The following CSMD1 variants were observed in gnomAD, a reference collection of about 807,000 sequenced individuals.
The protein encoded by CSMD1 is CUB and Sushi multiple domains 1.
In CSMD1, 213 loss-of-function variants were observed where a neutral mutation model predicts 417.5. The ratio of observed to expected loss-of-function variants is 0.51; its 90% CI spans 0.46 to 0.57. CSMD1 has a LOEUF of 0.57. Ranked by LOEUF, CSMD1 falls within the 20% of genes least tolerant of loss-of-function variation. The pLI is 0.00. For synonymous variants in CSMD1, 2,862 were observed against 1,736.8 expected (o/e 1.65, Z -16.11); for missense variants, 6,923 against 4,529.7 (o/e 1.53, Z -15.17).
intron 5 of CSMD1, among the ~76,000 whole-genome samples, chr8:3,779,104 G>A (rs907329718): frequency 6.6e-6 from 1 of 151,668 alleles, no homozygotes; most frequent in East Asian, 1.9e-4. Context: ...GACTCCTAAT[G>A]TCTATTTTTC....
chr8:3,124,854 A>T (rs1817408087), intron 41 of CSMD1, among the ~76,000 whole-genome samples: 1 of 152,324 alleles, frequency 6.6e-6, no homozygotes, highest in Non-Finnish European at 1.5e-5. Flanking sequence ...CCCATGGCTC[A>T]TTTCAGAATT....
At chr8:4,753,108 C>T (rs374364002) in intron 1 of CSMD1, among the ~76,000 whole-genome samples, 1 of 152,184 alleles carries the variant, frequency 6.6e-6, no homozygotes, top group South Asian at 2.1e-4. Flanking sequence ...TTTTTGGAAA[C>T]ATTTTATGGA....
intron 12 of CSMD1, among the ~76,000 whole-genome samples, chr8:3,412,549 T>C (rs1369674643): frequency 6.6e-6 from 1 of 152,134 alleles, no homozygotes; most frequent in Non-Finnish European, 1.5e-5. Context: ...ATGAAGATGT[T>C]GAATACATAG....
At chr8:3,269,601 A>G (rs1436961184) in intron 26 of CSMD1, among the ~76,000 whole-genome samples, 1 of 152,212 alleles carries the variant, frequency 6.6e-6, no homozygotes, top group Non-Finnish European at 1.5e-5. Flanking sequence ...AAAACCTGAG[A>G]ATGAAACATG....
chr8:3,668,218 G>A lies in CSMD1; in HGVS notation c.1009+40196C>T, dbSNP rs572046133. On this transcript the variant is annotated intron_variant, in intron 7 of 69. Transcript: ENST00000635120. Reference sequence around the variant, plus strand: ...GCTAATAAGGGAACATAGTAAAACTGACATCCGTCCACCACTGCTGGATCT... The same window carrying A: ...GCTAATAAGGGAACATAGTAAAACTAACATCCGTCCACCACTGCTGGATCT... Among the ~76,000 whole-genome samples, 8 of 152,212 alleles carry A rather than the reference G, an allele frequency of 5.3e-5. No individual in the cohort carries two copies. In the South Asian group the frequency reaches 1.5e-3, roughly 28 times the overall value.
At chr8:3,500,931 G>C (rs575475689) in intron 10 of CSMD1, among the ~76,000 whole-genome samples, 1 of 152,224 alleles carries the variant, frequency 6.6e-6, no homozygotes, top group South Asian at 2.1e-4. Context: ...TTTTAATGGA[G>C]AATATTGCAA....
chr8:4,743,512 T>G (rs1375867465), intron 1 of CSMD1, among the ~76,000 whole-genome samples: 1 of 152,174 alleles, frequency 6.6e-6, no homozygotes, highest in African/African-American at 2.4e-5. Flanking sequence ...AACCTCCTGC[T>G]TTGAGTTCAT....
At chr8:3,966,732 G>GACACAC (rs34929035) in intron 5 of CSMD1, among the ~76,000 whole-genome samples, 30 of 149,132 alleles carry the variant, frequency 2.0e-4, no homozygotes, top group South Asian at 6.6e-4. Context: ...CACACACACA[G>GACACAC]ACACACACAC....
intron 5 of CSMD1, among the ~76,000 whole-genome samples, chr8:3,791,518 G>A (rs1416690294): frequency 6.6e-6 from 1 of 152,084 alleles, no homozygotes; most frequent in South Asian, 2.1e-4. Flanking sequence ...CAAGGGTATG[G>A]ACAATTTTAA....
chr8:4,772,303 T>C (rs1796643242), intron 1 of CSMD1, among the ~76,000 whole-genome samples: 1 of 152,206 alleles, frequency 6.6e-6, no homozygotes, highest in Non-Finnish European at 1.5e-5. Context: ...AAATCTCTCC[T>C]TCACGTCATC....
intron 40 of CSMD1, among the ~76,000 whole-genome samples, chr8:3,148,561 C>T (rs1327279606): frequency 6.6e-6 from 1 of 152,142 alleles, no homozygotes; most frequent in Non-Finnish European, 1.5e-5. Context: ...ACTTCAAGTT[C>T]TGGTAGTGGA....
intron 1 of CSMD1, among the ~76,000 whole-genome samples, chr8:4,983,676 C>A (rs1436654674): frequency 1.3e-5 from 2 of 152,034 alleles, no homozygotes; most frequent in Non-Finnish European, 2.9e-5. Flanking sequence ...GTGCCAGCCA[C>A]CACACCCAGC....
intron 5 of CSMD1, among the ~76,000 whole-genome samples, chr8:3,944,896 C>A (rs181796625): frequency 8.3e-4 from 127 of 152,212 alleles, no homozygotes; most frequent in African/African-American, 2.8e-3. Context: ...TCTAATTCAT[C>A]CCCACAATCA....
In CSMD1 at chr8:4,915,238, A is replaced by C. The variant is rs190064357; in HGVS notation, c.85+79094T>G. On this transcript the variant is annotated intron_variant, in intron 1 of 69. Transcript: ENST00000635120. ...TACATAACATATATATAAAATATGT[A>C]TAACAAGAAAAATCTAACACAAATA... 2.6e-5 allele frequency among the ~76,000 whole-genome samples: 4 copies of C among 152,132 alleles called. No homozygotes were observed. In the East Asian group the frequency reaches 7.7e-4, roughly 29 times the overall value.
rs375415092 is a variant in CSMD1, at chr8:4,228,871, C to T, written c.415+191082G>A. ...TAATTTTTGTATTTTTAGTAGAGACCGGCTTTCCCCAAGTTGGCCAGGCTG... is the reference window on the plus strand; with the variant it reads ...TAATTTTTGTATTTTTAGTAGAGACTGGCTTTCCCCAAGTTGGCCAGGCTG... On this transcript the variant is annotated intron_variant, in intron 3 of 69. Coordinates refer to ENST00000635120, the MANE Select transcript of CSMD1 (RefSeq NM_033225.6). Among the ~76,000 whole-genome samples, 109 of 151,832 alleles carry T rather than the reference C, an allele frequency of 7.2e-4. 1 individual carries two copies. In the South Asian group the frequency reaches 0.02, roughly 27 times the overall value.
chr8:4,196,834 G>C (rs555902351), intron 3 of CSMD1, among the ~76,000 whole-genome samples: 1 of 152,210 alleles, frequency 6.6e-6, no homozygotes, highest in East Asian at 1.9e-4. Flanking sequence ...CACTGGGGGT[G>C]ATATTTAGCC....
chr8:4,351,361 T>A (rs892855630), intron 3 of CSMD1, among the ~76,000 whole-genome samples: 1 of 152,250 alleles, frequency 6.6e-6, no homozygotes. Context: ...GGCATCTCCT[T>A]ATTCGTCTTG....
intron 2 of CSMD1, among the ~76,000 whole-genome samples, chr8:4,600,096 G>C (rs1433750957): frequency 6.6e-6 from 1 of 152,172 alleles, no homozygotes; most frequent in Non-Finnish European, 1.5e-5. Context: ...GGACTAGAGG[G>C]TGGCAGTCTA....
At chr8:3,602,492 T>C (rs1388282774) in intron 8 of CSMD1, among the ~76,000 whole-genome samples, 5 of 152,290 alleles carry the variant, frequency 3.3e-5, no homozygotes, top group Non-Finnish European at 5.9e-5. Context: ...TGCTTTAATA[T>C]TGATCCTAAA....
Sources: gnomAD v4.1 joint callset for allele counts (sites outside exome capture counted in the v4.1 genomes callset) on GRCh38, gnomAD v4.1.1 for gene constraint, MANE v1.5 for transcripts, NCBI Gene and HGNC (gene_info 2026-07-23, HGNC 2026-07-21) for gene names.